The following HECTD4 variants were observed in gnomAD, a reference collection of about 807,000 sequenced individuals.
HECTD4 encodes HECT domain E3 ubiquitin protein ligase 4.
A neutral mutation model predicts 471.5 loss-of-function variants in HECTD4; 114 were observed. The ratio of observed to expected loss-of-function variants is 0.24; its 90% confidence interval spans 0.21 to 0.28. HECTD4 has a LOEUF of 0.28. Among genes scored for constraint, HECTD4 ranks in the 10% least tolerant of loss-of-function variants. The pLI, the probability that HECTD4 is intolerant of heterozygous loss-of-function variation, is 1.00. For synonymous variants in HECTD4, 2,012 were observed against 2,256.0 expected (o/e 0.89, Z 3.07); for missense variants, 3,866 against 5,651.5 (o/e 0.68, Z 10.13).
intron 7 of HECTD4, 99 bp downstream of exon 7, chr12:112,305,965 T>C (rs538651302): frequency 3.2e-5 from 35 of 1,105,656 alleles, no homozygotes; most frequent in African/African-American, 2.0e-4. Flanking sequence ...GAACACACTA[T>C]ACACGCTGCA....
chr12:112,319,184 T>C lies in HECTD4; in HGVS notation c.695+41A>G, dbSNP rs1300077142. On this transcript the variant is annotated intron_variant, in intron 2 of 75. Transcript: ENST00000682272. The surrounding 1 kb of genome is among the most constrained non-coding windows in gnomAD (Gnocchi z 5.3). The stretch of plus-strand genomic sequence containing the variant: ...TTCATTCACCCAACCCAGGTGGCAG[T>C]AGTCACAAGGTCACCAAATGATACA... 2.0e-6 allele frequency: 3 copies of C among 1,528,948 alleles called. No homozygotes were observed. The highest frequency in any genetic ancestry group is 1.8e-6 in the Non-Finnish European group (2 of 1,142,034). 94.7% of individuals were successfully genotyped at this position (1,528,948 alleles called of 1,614,324 possible).
intron 69 of HECTD4, chr12:112,169,929 T>C: frequency 1.7e-6 from 1 of 576,462 alleles, no homozygotes; most frequent in South Asian, 2.0e-5. Context: ...CTTGGGGAGG[T>C]CCTCGCCCCC....
At chr12:112,206,963 TAG>T (rs1211441280) in intron 52 of HECTD4, among the ~76,000 whole-genome samples, 1 of 152,190 alleles carries the variant, frequency 6.6e-6, no homozygotes, top group African/African-American at 2.4e-5. Context: ...GTGCTGTGAT[TAG>T]AGACAGACGC....
At position 112,161,315 on chromosome 12, in the gene HECTD4, G is replaced by T. The variant is rs1333302922; in HGVS notation, c.*1072C>A. ...GGCATACACACTTACATGGGGTGAT[G>T]GGGAGTGCTGGGTGGGGCTGGCCAG... On this transcript the variant is annotated 3_prime_UTR_variant, in exon 76 of 76. Coordinates refer to ENST00000682272, the MANE Select transcript of HECTD4 (RefSeq NM_001388303.1). 2 of 152,244 alleles carry T rather than the reference G, an allele frequency of 1.3e-5. No homozygotes were observed. The highest frequency in any genetic ancestry group is 4.1e-4 in the South Asian group (2 of 4,832). 9.4% of individuals were successfully genotyped at this position (152,244 alleles called of 1,614,324 possible).
chr12:112,281,010 T>G (rs1246885639), intron 8 of HECTD4, among the ~76,000 whole-genome samples: 2 of 152,032 alleles, frequency 1.3e-5, no homozygotes, highest in Non-Finnish European at 2.9e-5. Context: ...AGGCTGGTCT[T>G]GAACTCCTGA....
At chr12:112,209,433 C>T (rs1222814592) in intron 50 of HECTD4, among the ~76,000 whole-genome samples, 1 of 151,324 alleles carries the variant, frequency 6.6e-6, no homozygotes, top group African/African-American at 2.4e-5. Flanking sequence ...TCAAGCAATT[C>T]TTCTGCCTCA....
intron 38 of HECTD4, among the ~76,000 whole-genome samples, chr12:112,232,294 C>T (rs973461715): frequency 5.3e-5 from 8 of 152,188 alleles, no homozygotes; most frequent in Admixed American, 2.6e-4. Flanking sequence ...CCACGTCTGG[C>T]TAATTTTTGT....
chr12:112,348,735 G>A (rs1300550997), intron 1 of HECTD4, among the ~76,000 whole-genome samples: 1 of 151,960 alleles, frequency 6.6e-6, no homozygotes, highest in Admixed American at 6.6e-5. Context: ...GCAACAAAGT[G>A]AAACCCCCTA....
intron 1 of HECTD4, among the ~76,000 whole-genome samples, chr12:112,379,717 T>TA (rs373474769): frequency 0.019 from 2,820 of 147,396 alleles, 65 homozygotes; most frequent in African/African-American, 0.053. Flanking sequence ...AAAAGATTTT[T>TA]TATATATATA....
chr12:112,292,234 AG>A (rs1230000712), intron 7 of HECTD4, among the ~76,000 whole-genome samples: 1 of 152,176 alleles, frequency 6.6e-6, no homozygotes, highest in Non-Finnish European at 1.5e-5. Flanking sequence ...TGCCTATCTC[AG>A]GGGCATCTGC....
chr12:112,162,214 A>G lies in HECTD4; in HGVS notation c.*173T>C. On this transcript the variant is annotated 3_prime_UTR_variant, in exon 76 of 76. Transcript: ENST00000682272. The surrounding 1 kb of genome is among the most constrained non-coding windows in gnomAD (Gnocchi z 5.2). ...AGAACCAACCCATCACGAAACGTAC[A>G]AAGACAAAAGGTTAAGTCTTCCAGG... The G allele has an allele frequency of 1.5e-6, 1 of 661,542 alleles. No individual in the cohort carries two copies. 41.0% of individuals were successfully genotyped at this position (661,542 alleles called of 1,614,324 possible). A position where few individuals can be genotyped will look rare whatever the true frequency, so the allele number is the denominator to read the frequency against.
At position 112,323,961 on chromosome 12, in the gene HECTD4, TCTTTCTTCCTTCCTTCCTTCCTTC is replaced by T. The variant is rs1187085571; in HGVS notation, c.178-4243_178-4220del. Among the ~76,000 whole-genome samples the T allele has an allele frequency of 4.5e-3, 195 of 43,742 alleles. 18 individuals carry two copies. The highest frequency in any genetic ancestry group is 8.0e-3 in the Admixed American group (34 of 4,224). 28.7% of individuals were successfully genotyped at this position (43,742 alleles called of 152,430 possible). A position where few individuals can be genotyped will look rare whatever the true frequency, so the allele number is the denominator to read the frequency against. ...TTACTGAGGTGCTTCTTTCTTTCTT[TCTTTCTTCCTTCCTTCCTTCCTTC>T]CTTCCTTCCTTCCTTCCTTCCTTCC... On this transcript the variant is annotated intron_variant, in intron 1 of 75. Coordinates refer to ENST00000682272, the MANE Select transcript of HECTD4 (RefSeq NM_001388303.1).
chr12:112,210,670 A>G (rs1273451593), intron 49 of HECTD4, among the ~76,000 whole-genome samples: 1 of 152,200 alleles, frequency 6.6e-6, no homozygotes, highest in Non-Finnish European at 1.5e-5. Flanking sequence ...TAAGAGATAC[A>G]AGATCAGATG....
In HECTD4 at chr12:112,200,663, C is replaced by T. The variant is rs1346532593; in HGVS notation, c.8542G>A (p.Asp2848Asn). Residue 2848 changes from aspartate (D) to asparagine (N), a missense_variant, in exon 55 of 76, where the codon GAC becomes AAC. Physicochemically the swap from Asp to Asn is conservative, Grantham distance 23. Around this residue, in one of 16 missense-constraint regions of HECTD4, gnomAD observed 266 missense variants for 441.6 expected, o/e 0.60. Coordinates refer to ENST00000682272, the MANE Select transcript of HECTD4 (RefSeq NM_001388303.1). ...CTGTGAATTTGAAGGTTGGTATTGT[C>T]CAGTGTGACCAGCCCATTGGTGGCA... ...RTATNGLVTL[D>N]NTNLQIHREL... The T allele has an allele frequency of 6.2e-7, 1 of 1,613,752 alleles. No individual in the cohort carries two copies. Among genetic ancestry groups the T allele is most frequent in the East Asian group, 2.2e-5 (1 of 44,884 alleles).
In HECTD4 at chr12:112,194,969, G is replaced by A; in HGVS notation, c.8665C>T (p.Leu2889Phe). 6.2e-7 allele frequency: 1 copy of A among 1,611,402 alleles called. No homozygotes were observed. The highest frequency in any genetic ancestry group is 8.5e-7 in the Non-Finnish European group (1 of 1,178,890). The change falls in exon 56 of 76, where the codon CTC becomes TTC. Residue 2889 changes from leucine to phenylalanine, a missense_variant. Around this residue, in one of 16 missense-constraint regions of HECTD4, gnomAD observed 266 missense variants for 441.6 expected, o/e 0.60. Coordinates refer to ENST00000682272, the MANE Select transcript of HECTD4 (RefSeq NM_001388303.1). This position sits in a 1 kb window ranked among gnomAD's most constrained non-coding sequence, Gnocchi z 4.6. ...TCCCGGATGGCAGGGATGTGGAAGA[G>A]GCGAGTGAACAAGTGAGGCAACTTC... ...APKLPHLFTR[L>F]FHIPAIRDIT...
At chr12:112,379,400 T>C (rs1350818494) in intron 1 of HECTD4, among the ~76,000 whole-genome samples, 1 of 152,180 alleles carries the variant, frequency 6.6e-6, no homozygotes. Context: ...TATTATTAAG[T>C]AATTAAATAT....
intron 1 of HECTD4, among the ~76,000 whole-genome samples, chr12:112,355,821 AT>A (rs1157447982): frequency 6.6e-6 from 1 of 152,232 alleles, no homozygotes; most frequent in African/African-American, 2.4e-5. Flanking sequence ...ATTTCATTAT[AT>A]AAAGATTTAT....
chr12:112,177,873 G>A (rs1279252237), intron 64 of HECTD4, among the ~76,000 whole-genome samples: 1 of 152,208 alleles, frequency 6.6e-6, no homozygotes, highest in Non-Finnish European at 1.5e-5. Flanking sequence ...TAACCTTGCA[G>A]GCTCAGGGAG....
chr12:112,290,869 A>AAAAAAAAAAAAAAAAAAAAAC lies in HECTD4; in HGVS notation c.1336-7568_1336-7567insGTTTTTTTTTTTTTTTTTTTT, dbSNP rs1202955175. Among the ~76,000 whole-genome samples the AAAAAAAAAAAAAAAAAAAAAC allele has an allele frequency of 1.3e-5, 2 of 151,544 alleles. 1 individual carries two copies. The highest frequency in any genetic ancestry group is 4.0e-4 in the East Asian group (2 of 5,050). On this transcript the variant is annotated intron_variant, in intron 7 of 75. Coordinates refer to ENST00000682272, the MANE Select transcript of HECTD4 (RefSeq NM_001388303.1). ...GTCTCAAAAAAAAACAAAACAAAAA[A>AAAAAAAAAAAAAAAAAAAAAC]AAAAAACAAATCACAGATAGTTTTG...
Sources: allele counts gnomAD v4.1 joint callset (sites outside exome capture counted in the v4.1 genomes callset), GRCh38; gene constraint gnomAD v4.1.1; regional missense constraint gnomAD v4.1.1; non-coding constraint Gnocchi (gnomAD v3.1); transcripts MANE v1.5; gene names NCBI Gene and HGNC (gene_info 2026-07-23, HGNC 2026-07-21).